The following CSMD1 variants were observed in gnomAD, a reference collection of about 807,000 sequenced individuals.
CSMD1 encodes the protein CUB and Sushi multiple domains 1.
Under a neutral mutation model 417.5 loss-of-function variants are expected in CSMD1, and 213 were observed. That is an observed-to-expected ratio of 0.51 (90% CI 0.46 to 0.57). The LOEUF (loss-of-function observed/expected upper bound fraction) is 0.57. CSMD1 is among the 20% of genes least tolerant of loss of function. The pLI is 0.00. For missense variants in CSMD1, 6,923 were observed against 4,529.7 expected (o/e 1.53, Z -15.17); for synonymous variants, 2,862 against 1,736.8 (o/e 1.65, Z -16.11).
chr8:3,845,679 T>G (rs1439237457), intron 5 of CSMD1, among the ~76,000 whole-genome samples: 2 of 152,190 alleles, frequency 1.3e-5, no homozygotes, highest in African/African-American at 2.4e-5. Flanking sequence ...TAAGTTAACT[T>G]TAGCTTACTG....
chr8:4,240,047 T>C (rs1802297573), intron 3 of CSMD1, among the ~76,000 whole-genome samples: 1 of 152,166 alleles, frequency 6.6e-6, no homozygotes, highest in African/African-American at 2.4e-5. Flanking sequence ...GACAAGAAAA[T>C]CATGCATTTT....
At chr8:4,315,773 C>T (rs1410197461) in intron 3 of CSMD1, among the ~76,000 whole-genome samples, 1 of 150,632 alleles carries the variant, frequency 6.6e-6, no homozygotes, top group Non-Finnish European at 1.5e-5. Flanking sequence ...CATTTCATTT[C>T]AAAACATATT....
intron 2 of CSMD1, among the ~76,000 whole-genome samples, chr8:4,445,065 C>A (rs531986627): frequency 1.3e-5 from 2 of 152,316 alleles, no homozygotes; most frequent in East Asian, 3.9e-4. Context: ...TGCACTCATA[C>A]AAAACTACAT....
At chr8:4,260,599 C>A (rs948728866) in intron 3 of CSMD1, among the ~76,000 whole-genome samples, 2 of 152,118 alleles carry the variant, frequency 1.3e-5, no homozygotes, top group African/African-American at 4.8e-5. Flanking sequence ...TCTGAAAACA[C>A]ATATTTGTGG....
At chr8:3,134,344 C>T (rs1346672153) in intron 41 of CSMD1, among the ~76,000 whole-genome samples, 1 of 152,168 alleles carries the variant, frequency 6.6e-6, no homozygotes, top group African/African-American at 2.4e-5. Context: ...GCAGCCACAG[C>T]GGACATCTGG....
chr8:3,377,432 C>T (rs892344251), intron 18 of CSMD1, among the ~76,000 whole-genome samples: 6 of 152,128 alleles, frequency 3.9e-5, no homozygotes, highest in Non-Finnish European at 8.8e-5. Flanking sequence ...ACATTTATAT[C>T]GACAGACAAT....
intron 5 of CSMD1, among the ~76,000 whole-genome samples, chr8:3,893,364 A>ATATATTT (rs1807124067): frequency 5.3e-5 from 2 of 37,678 alleles, no homozygotes; most frequent in African/African-American, 1.3e-4. Context: ...TATATATATT[A>ATATATTT]TTTTTTTTCT....
intron 6 of CSMD1, among the ~76,000 whole-genome samples, chr8:3,714,364 A>G (rs898325885): frequency 1.3e-5 from 2 of 150,954 alleles, no homozygotes; most frequent in African/African-American, 4.9e-5. Flanking sequence ...TTTTTATAGT[A>G]TCACAGCAAA....
At chr8:4,066,902 A>G (rs1402577997) in intron 3 of CSMD1, among the ~76,000 whole-genome samples, 1 of 152,224 alleles carries the variant, frequency 6.6e-6, no homozygotes, top group Non-Finnish European at 1.5e-5. Flanking sequence ...TAACTATAAC[A>G]TTATGCTTTA....
intron 10 of CSMD1, among the ~76,000 whole-genome samples, chr8:3,503,445 G>A (rs7004635): frequency 0.26 from 39,433 of 152,158 alleles, 5,340 homozygotes; most frequent in African/African-American, 0.34. Flanking sequence ...AGTGAAAAGC[G>A]CAATTCCTCT....
Position 3,030,135 on chromosome 8 carries a change from A to G in CSMD1, c.7661-622T>C, listed in dbSNP as rs1289657888. 3.9e-5 allele frequency among the ~76,000 whole-genome samples: 6 copies of G among 152,124 alleles called. No individual in the cohort carries two copies. In the East Asian group the frequency reaches 7.7e-4, roughly 20 times the overall value. ...AGAATATAGCAGTTACTTAAGAAAG[A>G]GTAGTAGCAATTGTAATAGTGACAG... is the stretch of plus-strand genomic sequence containing the variant. On this transcript the variant is annotated intron_variant, in intron 50 of 69. Transcript: ENST00000635120.
chr8:3,837,705 G>A (rs993425554), intron 5 of CSMD1, among the ~76,000 whole-genome samples: 2 of 152,042 alleles, frequency 1.3e-5, no homozygotes, highest in Admixed American at 1.3e-4. Flanking sequence ...AGTAATAGAG[G>A]TTGAGAACAC....
chr8:4,605,389 A>G (rs1325141827), intron 2 of CSMD1, among the ~76,000 whole-genome samples: 1 of 152,210 alleles, frequency 6.6e-6, no homozygotes, highest in Admixed American at 6.5e-5. Context: ...ACCTAATTTT[A>G]TAGATAAAGA....
chr8:3,788,590 G>C (rs758876043), intron 5 of CSMD1, among the ~76,000 whole-genome samples: 3 of 152,122 alleles, frequency 2.0e-5, no homozygotes, highest in Non-Finnish European at 2.9e-5. Flanking sequence ...TCTTACCAAA[G>C]GTGTTAATAG....
At chr8:3,809,820 C>A (rs534386230) in intron 5 of CSMD1, among the ~76,000 whole-genome samples, 1 of 152,158 alleles carries the variant, frequency 6.6e-6, no homozygotes, top group Non-Finnish European at 1.5e-5. Flanking sequence ...TGTTCACATA[C>A]TGAAAACGCA....
chr8:4,043,854 A>C (rs1444694377), intron 3 of CSMD1, among the ~76,000 whole-genome samples: 1 of 152,232 alleles, frequency 6.6e-6, no homozygotes, highest in Non-Finnish European at 1.5e-5. Context: ...TACAAAAATG[A>C]TGAGACACAG....
intron 5 of CSMD1, among the ~76,000 whole-genome samples, chr8:3,803,606 T>A (rs1292820849): frequency 6.6e-6 from 1 of 152,204 alleles, no homozygotes; most frequent in Admixed American, 6.5e-5. Flanking sequence ...GACCAGTGTG[T>A]CTGCAGTGGA....
intron 3 of CSMD1, among the ~76,000 whole-genome samples, chr8:4,249,397 T>G (rs983507282): frequency 2.0e-5 from 3 of 152,262 alleles, no homozygotes; most frequent in Middle Eastern, 3.4e-3. Flanking sequence ...GAAAACAACT[T>G]TTGCAAAGTA....
At chr8:3,491,502 A>G (rs1384964004) in intron 11 of CSMD1, among the ~76,000 whole-genome samples, 1 of 152,212 alleles carries the variant, frequency 6.6e-6, no homozygotes, top group Non-Finnish European at 1.5e-5. Context: ...GTTGTGGTCC[A>G]GCAACATGAT....
Sources: gnomAD v4.1 joint callset for allele counts (sites outside exome capture counted in the v4.1 genomes callset) on GRCh38, gnomAD v4.1.1 for gene constraint, MANE v1.5 for transcripts, NCBI Gene and HGNC (gene_info 2026-07-23, HGNC 2026-07-21) for gene names.